The following FSIP1 variants were observed in gnomAD, a reference collection of about 807,000 sequenced individuals.
FSIP1 encodes fibrous sheath interacting protein 1.
In FSIP1, 65 loss-of-function variants were observed where a neutral mutation model predicts 60.9. The ratio of observed to expected loss-of-function variants is 1.07; its 90% CI spans 0.87 to 1.31. The LOEUF is 1.31. FSIP1 is among the 40% of genes most tolerant of loss of function. FSIP1 has a pLI of 0.00. For missense variants in FSIP1, 675 were observed against 665.5 expected, an observed-to-expected ratio of 1.01 and a Z score of -0.16; for synonymous variants, 209 against 221.2, an observed-to-expected ratio of 0.94 and a Z score of 0.49.
intron 6 of FSIP1, among the ~76,000 whole-genome samples, chr15:39,740,404 A>G (rs903288748): frequency 1.3e-5 from 2 of 152,228 alleles, no homozygotes; most frequent in Admixed American, 6.5e-5. Context: ...CAAAATAAGA[A>G]TAAGAAAAAT....
At chr15:39,647,253 G>A (rs556861122) in intron 10 of FSIP1, among the ~76,000 whole-genome samples, 31 of 152,266 alleles carry the variant, frequency 2.0e-4, no homozygotes, top group South Asian at 1.7e-3. Context: ...TAGATTTTAC[G>A]TGTTCTTTCC....
At chr15:39,693,044 TAA>T (rs1322961042) in intron 10 of FSIP1, among the ~76,000 whole-genome samples, 1 of 152,218 alleles carries the variant, frequency 6.6e-6, no homozygotes, top group Non-Finnish European at 1.5e-5. Flanking sequence ...CTGCCAAAAG[TAA>T]AGTCCTCACA....
chr15:39,735,546 G>A (rs920382651), intron 8 of FSIP1, among the ~76,000 whole-genome samples: 1 of 152,204 alleles, frequency 6.6e-6, no homozygotes, highest in Non-Finnish European at 1.5e-5. Flanking sequence ...AGTGAGTGGT[G>A]AGCGACTGTG....
chr15:39,757,507 T>G (rs1897335623), intron 5 of FSIP1, among the ~76,000 whole-genome samples: 1 of 152,110 alleles, frequency 6.6e-6, no homozygotes, highest in South Asian at 2.1e-4. Context: ...AAGGTAATAG[T>G]TATGTAGTCC....
chr15:39,776,352 T>TG (rs1454609811), intron 2 of FSIP1, 47 bp downstream of exon 2: 1 of 1,585,114 alleles, frequency 6.3e-7, no homozygotes, highest in Non-Finnish European at 8.6e-7. Flanking sequence ...CATCAACTGC[T>TG]GAGAGGTTGG....
intron 8 of FSIP1, among the ~76,000 whole-genome samples, chr15:39,731,565 T>C (rs539028765): frequency 1.3e-5 from 2 of 152,346 alleles, no homozygotes; most frequent in East Asian, 3.9e-4. Flanking sequence ...AATGTATATG[T>C]TTTATGCACT....
chr15:39,692,649 T>G (rs1426727033), intron 10 of FSIP1, among the ~76,000 whole-genome samples: 1 of 152,008 alleles, frequency 6.6e-6, no homozygotes, highest in African/African-American at 2.4e-5. Context: ...ATTTAGTGTG[T>G]AAGAATGTAT....
intron 10 of FSIP1, among the ~76,000 whole-genome samples, chr15:39,671,105 T>C (rs1566878408): frequency 1.3e-5 from 2 of 152,224 alleles, no homozygotes; most frequent in Admixed American, 1.3e-4. Flanking sequence ...GCAAAGAAAA[T>C]ACTTGTTCAT....
At position 39,718,403 on chromosome 15, in the gene FSIP1, TC is replaced by T. The variant is rs1895830681; in HGVS notation, c.1051-4823del. 2.6e-5 allele frequency among the ~76,000 whole-genome samples: 4 copies of T among 151,922 alleles called. 1 individual carries two copies. In the South Asian group the frequency reaches 8.3e-4, roughly 31 times the overall value. ...TTAACAATAATTAACTTGGCAAAAA[TC>T]CTGATGATTTAATCTTATTTTTCTT... On this transcript the variant is annotated intron_variant, in intron 9 of 11. Coordinates refer to ENST00000350221, the MANE Select transcript of FSIP1 (RefSeq NM_152597.5).
intron 10 of FSIP1, among the ~76,000 whole-genome samples, chr15:39,680,846 T>C (rs1894131978): frequency 1.3e-5 from 2 of 152,198 alleles, no homozygotes; most frequent in African/African-American, 4.8e-5. Flanking sequence ...ACTCTCTCAT[T>C]TGCTCAAGAC....
intron 8 of FSIP1, among the ~76,000 whole-genome samples, chr15:39,728,276 G>T (rs1396398539): frequency 1.3e-5 from 2 of 152,106 alleles, no homozygotes; most frequent in African/African-American, 4.8e-5. Context: ...AACAAAATTA[G>T]AAAAAACTAT....
At chr15:39,683,800 A>G (rs1020422715) in intron 10 of FSIP1, among the ~76,000 whole-genome samples, 4 of 152,190 alleles carry the variant, frequency 2.6e-5, no homozygotes, top group African/African-American at 7.2e-5. Context: ...ATAGAAACCA[A>G]AAGAAAAAAC....
intron 10 of FSIP1, among the ~76,000 whole-genome samples, chr15:39,691,093 G>T (rs965636770): frequency 6.6e-6 from 1 of 152,170 alleles, no homozygotes; most frequent in African/African-American, 2.4e-5. Flanking sequence ...GTGAGACTTT[G>T]TCTCGCCACC....
At chr15:39,677,032 A>T (rs188154330) in intron 10 of FSIP1, among the ~76,000 whole-genome samples, 2 of 152,348 alleles carry the variant, frequency 1.3e-5, no homozygotes, top group Non-Finnish European at 2.9e-5. Flanking sequence ...GTATCAAGAC[A>T]CTAGGAGAGG....
At chr15:39,672,232 C>T (rs1893748764) in intron 10 of FSIP1, among the ~76,000 whole-genome samples, 1 of 152,176 alleles carries the variant, frequency 6.6e-6, no homozygotes, top group Non-Finnish European at 1.5e-5. Flanking sequence ...TTAGGGAATT[C>T]GGTGAGAATC....
chr15:39,702,118 T>C (rs1428650988), intron 10 of FSIP1, among the ~76,000 whole-genome samples: 1 of 152,072 alleles, frequency 6.6e-6, no homozygotes, highest in Non-Finnish European at 1.5e-5. Context: ...GAGACAGTTA[T>C]ATATGTCCCC....
chr15:39,746,999 GCTTCCCTCCTTCCCTC>G (rs34636012), intron 5 of FSIP1, among the ~76,000 whole-genome samples: 7,530 of 134,472 alleles, frequency 0.056, 649 homozygotes, highest in East Asian at 0.25. Flanking sequence ...TCCTGTTTGG[GCTTCCCTCCTTCCCTC>G]CTTCCCTCCT....
chr15:39,687,062 G>A (rs1894399998), intron 10 of FSIP1, among the ~76,000 whole-genome samples: 2 of 150,148 alleles, frequency 1.3e-5, no homozygotes, highest in Admixed American at 6.6e-5. Flanking sequence ...TCCCTGCTTT[G>A]CAGCCTCTTA....
chr15:39,765,568 A>G, intron 4 of FSIP1, 24 bp downstream of exon 4: 7 of 1,532,304 alleles, frequency 4.6e-6, no homozygotes, highest in Non-Finnish European at 6.2e-6. Flanking sequence ...CTTACATGTC[A>G]GCATAAGGTT....
Sources: gnomAD v4.1 joint callset for allele counts (sites outside exome capture counted in the v4.1 genomes callset) on GRCh38, gnomAD v4.1.1 for gene constraint, MANE v1.5 for transcripts, NCBI Gene and HGNC (gene_info 2026-07-23, HGNC 2026-07-21) for gene names.